The following PPOX variants were observed in gnomAD, a reference collection of about 807,000 sequenced individuals.
PPOX encodes variegate porphyria.
Under a neutral mutation model 54.1 loss-of-function variants are expected in PPOX, and 23 were observed. The observed-to-expected ratio is 0.43, with a 90% CI of 0.31 to 0.60. PPOX has a LOEUF of 0.60. Ranked by LOEUF, PPOX falls within the 20% of genes least tolerant of loss-of-function variation. PPOX has a pLI of 0.13. For synonymous variants in PPOX, 224 were observed against 236.1 expected, an observed-to-expected ratio of 0.95 and a Z score of 0.47; for missense variants, 512 against 601.1, an observed-to-expected ratio of 0.85 and a Z score of 1.55.
rs759209914 is a variant in PPOX at position 161,170,486 on chromosome 1, G to C, written c.1065G>C (p.Glu355Asp). 2.4e-5 allele frequency: 38 copies of C among 1,614,122 alleles called. 1 individual carries two copies. Among genetic ancestry groups the C allele is most frequent in the Non-Finnish European group, 2.2e-5 (26 of 1,180,054 alleles). Residue 355 changes from glutamate (E) to aspartate (D), a missense_variant, in exon 10 of 13, where the codon GAG becomes GAC. Coordinates refer to ENST00000367999, the MANE Select transcript of PPOX (RefSeq NM_001122764.3). ...GIVYDSVAFPEQDGSPPGLRV... is the reference protein window; with the variant it reads ...GIVYDSVAFPDQDGSPPGLRV... ...TGTATGACTCAGTTGCTTTCCCTGAGCAGGACGGGAGCCCCCCTGGCCTCA... is the reference window on the plus strand; with the variant it reads ...TGTATGACTCAGTTGCTTTCCCTGACCAGGACGGGAGCCCCCCTGGCCTCA...
downstream of PPOX, chr1:161,171,398 G>A: frequency 1.3e-6 from 1 of 766,926 alleles, no homozygotes; most frequent in Non-Finnish European, 2.1e-6. Context: ...AGCATAGGCA[G>A]AAAATGCCCA....
downstream of PPOX, among the ~76,000 whole-genome samples, chr1:161,173,043 T>C (rs1027727722): frequency 1.3e-5 from 2 of 152,056 alleles, no homozygotes; most frequent in African/African-American, 4.8e-5. Flanking sequence ...TTCACACACA[T>C]ACAGAGGATG....
At chr1:161,174,945 G>T (rs377250284), downstream of PPOX, 1 of 1,578,554 alleles carries the variant, frequency 6.3e-7, no homozygotes, top group South Asian at 1.1e-5. Context: ...TGTGCTTGAG[G>T]CTTCCTTAGA....
downstream of PPOX, among the ~76,000 whole-genome samples, chr1:161,174,217 C>T (rs1438873800): frequency 6.6e-6 from 1 of 152,078 alleles, no homozygotes; most frequent in Non-Finnish European, 1.5e-5. Flanking sequence ...ACCACCCTGG[C>T]TAACACGGTA....
Position 161,177,024 on chromosome 1 carries a change from C to A in PPOX, c.548C>A (p.Ser183Ter), listed in dbSNP as rs1381897148. The A allele has an allele frequency of 7.8e-6, 12 of 1,534,714 alleles. No homozygotes were observed. The highest frequency in any genetic ancestry group is 1.0e-5 in the Non-Finnish European group (12 of 1,146,164). Residue 183 changes from serine (S) to a stop codon, truncating the protein, a stop_gained, in exon 5 of 5, where the codon TCG (serine) becomes TAG (stop). Transcript: ENST00000497522. LOFTEE classifies it high-confidence loss of function. ...GCTGTAAGCGAACAGCCCCGGAGCT[C>A]GGCGGAGAGTAGGGTGGGGGTGGCG...
Position 161,168,134 on chromosome 1 carries a change from C to T in PPOX, c.471+7C>T, listed in dbSNP as rs1659786213. 1 of 1,614,224 alleles carries T rather than the reference C, an allele frequency of 6.2e-7. No individual in the cohort carries two copies. Among genetic ancestry groups the T allele is most frequent in the Non-Finnish European group, 8.5e-7 (1 of 1,180,036 alleles). On this transcript the variant is annotated splice_region_variant and intron_variant, in intron 5 of 12. Coordinates refer to ENST00000367999, the MANE Select transcript of PPOX (RefSeq NM_001122764.3). ...GCGCCGCCTTGGACCTGAGGTGACACTTGCCCAGAGGCCCCAAACCTCTTC... is the reference window on the plus strand; with the variant it reads ...GCGCCGCCTTGGACCTGAGGTGACATTTGCCCAGAGGCCCCAAACCTCTTC...
chr1:161,177,008 G>T lies in PPOX; in HGVS notation c.532G>T (p.Glu178Ter), dbSNP rs569756928. Reference sequence around the variant, plus strand: ...CCGTGACCACCTGGGGGCTGTAAGCGAACAGCCCCGGAGCTCGGCGGAGAG... The same window carrying T: ...CCGTGACCACCTGGGGGCTGTAAGCTAACAGCCCCGGAGCTCGGCGGAGAG... Residue 178 changes from glutamate to a stop codon, truncating the protein, a stop_gained, in exon 5 of 5, where the codon GAA (glutamate) becomes TAA (stop). Coordinates refer to the PPOX transcript ENST00000497522. LOFTEE classifies it high-confidence loss of function. 1.6e-4 allele frequency: 239 copies of T among 1,535,964 alleles called. No homozygotes were observed. The highest frequency in any genetic ancestry group is 1.2e-4 in the Non-Finnish European group (135 of 1,146,842).
intron 7 of PPOX, 129 bp downstream of exon 7, chr1:161,169,312 G>A: frequency 9.0e-7 from 1 of 1,116,846 alleles, no homozygotes; most frequent in Non-Finnish European, 1.3e-6. Context: ...ACTTAGACAT[G>A]GGCTACCCCA....
At chr1:161,176,127 A>G (rs1198355826), downstream of PPOX, 4 of 1,566,352 alleles carry the variant, frequency 2.6e-6, no homozygotes, top group African/African-American at 5.4e-5. Flanking sequence ...GCAAGCCAGC[A>G]GAGAGGTCAG....
chr1:161,173,852 C>T (rs1463362240), downstream of PPOX: 1 of 1,613,130 alleles, frequency 6.2e-7, no homozygotes, highest in South Asian at 1.1e-5. Context: ...CCTTCCATGC[C>T]CTCTACCTGT....
downstream of PPOX, chr1:161,172,435 C>CA: frequency 1.0e-6 from 1 of 968,444 alleles, no homozygotes. Context: ...ACTTAGTAGG[C>CA]AAAAGAAAAA....
chr1:161,176,327 C>A (rs1663504168), intron 4 of PPOX: 1 of 558,054 alleles, frequency 1.8e-6, no homozygotes, highest in Non-Finnish European at 3.2e-6. Context: ...CATCTACTGT[C>A]AGTCCTCACC....
Position 161,169,044 on chromosome 1 carries a change from G to A in PPOX, c.668G>A (p.Arg223His), listed in dbSNP as rs773741728. The change falls in exon 7 of 13, where the codon CGC becomes CAC. Residue 223 changes from arginine to histidine, a missense_variant. By Grantham distance (29) the Arg-to-His change is conservative (BLOSUM62 0). Coordinates refer to ENST00000367999, the MANE Select transcript of PPOX (RefSeq NM_001122764.3). ...SALIRQALAE[R>H]WSQWSLRGGL... Reference sequence around the variant, plus strand: ...CTCATTCGCCAGGCCTTGGCTGAGCGCTGGAGCCAGTGGTCACTTCGTGGA... The same window carrying A: ...CTCATTCGCCAGGCCTTGGCTGAGCACTGGAGCCAGTGGTCACTTCGTGGA... The A allele has an allele frequency of 2.2e-5, 35 of 1,614,104 alleles. No homozygotes were observed. The African/African-American group carries it at 3.3e-4, about 15-fold the overall frequency.
exon 5 of PPOX, chr1:161,177,026 G>C: frequency 6.5e-7 from 1 of 1,536,052 alleles, no homozygotes. Context: ...CCGGAGCTCG[G>C]CGGAGAGTAG....
In PPOX at chr1:161,171,167, T is replaced by TAACA. The variant is rs771674683; in HGVS notation, c.1426_1429dup (p.Ser477LysfsTer10). 2 of 1,613,316 alleles carry TAACA rather than the reference T, an allele frequency of 1.2e-6. No individual in the cohort carries two copies. The highest frequency in any genetic ancestry group is 1.7e-6 in the Non-Finnish European group (2 of 1,180,038). On this transcript the variant is annotated frameshift_variant, in exon 13 of 13. Coordinates refer to ENST00000367999, the MANE Select transcript of PPOX (RefSeq NM_001122764.3). LOFTEE classifies it high-confidence loss of function. ...CAGTCAGTGTCCTGGGCACAGAACC[T>TAACA]AACAGCTGATCCCCAACTCTCATTC...
In PPOX at chr1:161,170,233, G is replaced by C. The variant is rs555392776; in HGVS notation, c.988-176G>C. On this transcript the variant is annotated intron_variant, in intron 9 of 12. Coordinates refer to ENST00000367999, the MANE Select transcript of PPOX (RefSeq NM_001122764.3). ...TCAGCTACTCGGGAGGCTAAGGCAG[G>C]AGAATCGCTTGAACCCAGGAGGTGG... 362 of 834,314 alleles carry C rather than the reference G, an allele frequency of 4.3e-4. 1 individual carries two copies. Among genetic ancestry groups the C allele is most frequent in the Admixed American group, 7.4e-4 (36 of 48,818 alleles). 51.7% of individuals were successfully genotyped at this position (834,314 alleles called of 1,614,324 possible).
At chr1:161,173,907 G>C (rs770641073), downstream of PPOX, 28 of 1,614,102 alleles carry the variant, frequency 1.7e-5, no homozygotes, top group Non-Finnish European at 2.3e-5. Context: ...GGGTCCCCGG[G>C]GGTCACACAC....
intron 7 of PPOX, 24 bp downstream of exon 7, chr1:161,169,207 T>C (rs1294664896): frequency 4.3e-6 from 7 of 1,611,634 alleles, no homozygotes; most frequent in Non-Finnish European, 5.1e-6. Flanking sequence ...TGGAGTGTAA[T>C]GAACCTGTCA....
chr1:161,170,820 G>C, intron 11 of PPOX, 51 bp downstream of exon 11: 1 of 1,613,972 alleles, frequency 6.2e-7, no homozygotes, highest in Non-Finnish European at 8.5e-7. Context: ...CTTGAAGACA[G>C]AGACTGGAAC....
Sources: allele counts gnomAD v4.1 joint callset (sites outside exome capture counted in the v4.1 genomes callset), GRCh38; gene constraint gnomAD v4.1.1; transcripts MANE v1.5; gene names NCBI Gene and HGNC (gene_info 2026-07-23, HGNC 2026-07-21).